The following GPC3 variants were observed in gnomAD, a reference collection of about 807,000 sequenced individuals.
The protein encoded by GPC3 is glypican-3.
In GPC3, 3 loss-of-function variants were observed where a neutral mutation model predicts 34.4. That is an observed-to-expected ratio of 0.09 (90% CI 0.04 to 0.23). The LOEUF is 0.23. GPC3 is among the 10% of genes least tolerant of loss of function. The probability of loss-of-function intolerance (pLI) is 1.00; values close to 1 mark genes in which losing one functional copy is unlikely to be tolerated. For synonymous variants in GPC3, 177 were observed against 174.0 expected (o/e 1.02, Z -0.13); for missense variants, 351 against 445.6 (o/e 0.79, Z 1.91).
chrX:133,719,972 A>G (rs761213076), intron 3 of GPC3, among the ~76,000 whole-genome samples: 1 of 112,447 alleles, frequency 8.9e-6, no homozygotes, highest in Non-Finnish European at 1.9e-5. Context: ...GCTCAACATT[A>G]TATCAGAGAA....
intron 3 of GPC3, among the ~76,000 whole-genome samples, chrX:133,752,364 A>C (rs1470572089): frequency 1.8e-5 from 2 of 112,164 alleles, no homozygotes; most frequent in Non-Finnish European, 3.8e-5. Context: ...AAGCAGAAAT[A>C]GAATATTTCT....
chrX:133,777,161 T>C (rs2071995464), intron 2 of GPC3, among the ~76,000 whole-genome samples: 1 of 110,990 alleles, frequency 9.0e-6, no homozygotes, highest in Non-Finnish European at 1.9e-5. Flanking sequence ...TCTTTCTTAA[T>C]GCATGGACCA....
intron 2 of GPC3, among the ~76,000 whole-genome samples, chrX:133,810,438 C>T (rs1409900232): frequency 8.9e-6 from 1 of 112,043 alleles, no homozygotes; most frequent in African/African-American, 3.2e-5. Context: ...AGTGTAGCTG[C>T]TTAATTGTGA....
At chrX:133,749,646 T>C (rs1011125246) in intron 3 of GPC3, among the ~76,000 whole-genome samples, 1 of 111,771 alleles carries the variant, frequency 8.9e-6, no homozygotes, top group Non-Finnish European at 1.9e-5. Context: ...AGACCTCATG[T>C]CATGGCTTAA....
At chrX:133,768,879 G>A (rs767719975) in intron 2 of GPC3, among the ~76,000 whole-genome samples, 3 of 110,676 alleles carry the variant, frequency 2.7e-5, no homozygotes, top group African/African-American at 9.9e-5. Context: ...GGCAGAGGCT[G>A]CAGTGAGCCG....
intron 2 of GPC3, among the ~76,000 whole-genome samples, chrX:133,780,574 C>A (rs2072035899): frequency 1.8e-5 from 2 of 111,533 alleles, no homozygotes; most frequent in Non-Finnish European, 3.8e-5. Flanking sequence ...TGGTCAGTTT[C>A]ATGATAATTA....
intron 7 of GPC3, among the ~76,000 whole-genome samples, chrX:133,550,588 T>A (rs922252685): frequency 1.8e-5 from 2 of 111,671 alleles, no homozygotes; most frequent in East Asian, 5.7e-4. Context: ...CCTAAAAACA[T>A]CAGTCATTCA....
rs942618176 is a variant in GPC3 at position 133,772,508 on chromosome X, C to A, written c.338-18332G>T. Among the ~76,000 whole-genome samples the A allele has an allele frequency of 2.7e-5, 3 of 111,429 alleles. No homozygotes were observed. In the East Asian group the frequency reaches 8.5e-4, roughly 32 times the overall value. Reference sequence around the variant, plus strand: ...CATTTGGGTTGATGGTATCGTCATACCCCACCCCCTAAAAATGTTATATGC... The same window carrying A: ...CATTTGGGTTGATGGTATCGTCATAACCCACCCCCTAAAAATGTTATATGC... On this transcript the variant is annotated intron_variant, in intron 2 of 7. Coordinates refer to ENST00000370818, the MANE Select transcript of GPC3 (RefSeq NM_004484.4).
intron 7 of GPC3, among the ~76,000 whole-genome samples, chrX:133,567,212 C>T (rs762858599): frequency 8.9e-5 from 10 of 112,079 alleles, no homozygotes; most frequent in Non-Finnish European, 1.7e-4. Context: ...CAGGTGAGCC[C>T]TGTCTTGCTC....
intron 2 of GPC3, among the ~76,000 whole-genome samples, chrX:133,929,605 A>G (rs974932794): frequency 9.0e-6 from 1 of 111,320 alleles, no homozygotes; most frequent in South Asian, 3.8e-4. Flanking sequence ...AGGGTAGTAC[A>G]TTGCCCTAAA....
At position 133,710,317 on chromosome X, in the gene GPC3, C is replaced by T. The variant is rs2071255317; in HGVS notation, c.1033-10289G>A. Among the ~76,000 whole-genome samples the T allele has an allele frequency of 2.7e-5, 3 of 112,024 alleles. No homozygotes were observed. In the Admixed American group the frequency reaches 2.9e-4, roughly 11 times the overall value. ...GTTCATCCTCTTACCATTTCAATAA[C>T]TCTAGACAAGTCATTTACTTTCCTT... On this transcript the variant is annotated intron_variant, in intron 3 of 7. Transcript: ENST00000370818.
chrX:133,922,992 A>G (rs1467358519), intron 2 of GPC3, among the ~76,000 whole-genome samples: 1 of 111,191 alleles, frequency 9.0e-6, no homozygotes, highest in Non-Finnish European at 1.9e-5. Flanking sequence ...GCTCTTGCCC[A>G]AGGTCACATA....
intron 7 of GPC3, among the ~76,000 whole-genome samples, chrX:133,546,074 C>T (rs1472598877): frequency 1.8e-5 from 2 of 111,274 alleles, no homozygotes; most frequent in African/African-American, 3.3e-5. Flanking sequence ...TGTTGGTGGC[C>T]CTAAATTCTC....
At chrX:133,540,438 G>A (rs1228717363) in intron 7 of GPC3, among the ~76,000 whole-genome samples, 2 of 112,426 alleles carry the variant, frequency 1.8e-5, no homozygotes, top group Admixed American at 1.9e-4. Flanking sequence ...TATTCTAAGG[G>A]AAGTAACTCA....
At chrX:133,684,069 A>C (rs1370333791) in intron 5 of GPC3, among the ~76,000 whole-genome samples, 1 of 112,373 alleles carries the variant, frequency 8.9e-6, no homozygotes. Flanking sequence ...TTCCAAGAGC[A>C]ATCTTGACTT....
chrX:133,593,369 AAAG>A (rs1446886811), intron 7 of GPC3, among the ~76,000 whole-genome samples: 2 of 106,845 alleles, frequency 1.9e-5, no homozygotes, highest in Admixed American at 1.0e-4. Flanking sequence ...AAAAAAAAAA[AAAG>A]AAATAAACAT....
chrX:133,937,238 C>A (rs1316348126), intron 2 of GPC3, among the ~76,000 whole-genome samples: 1 of 111,215 alleles, frequency 9.0e-6, no homozygotes, highest in African/African-American at 3.3e-5. Context: ...CCAGACTCCA[C>A]AACAGGGAAA....
At chrX:133,869,724 C>G (rs2075985411) in intron 2 of GPC3, among the ~76,000 whole-genome samples, 1 of 111,808 alleles carries the variant, frequency 8.9e-6, no homozygotes, top group Non-Finnish European at 1.9e-5. Flanking sequence ...GAGGCCGGCA[C>G]ATCACGAGGT....
intron 2 of GPC3, among the ~76,000 whole-genome samples, chrX:133,788,088 T>TTATTTATATA (rs2072120810): frequency 1.5e-5 from 1 of 64,945 alleles, no homozygotes; most frequent in Admixed American, 1.9e-4. Flanking sequence ...TCATATTATT[T>TTATTTATATA]TATATATATA....
Sources: allele counts gnomAD v4.1 joint callset (sites outside exome capture counted in the v4.1 genomes callset), GRCh38; gene constraint gnomAD v4.1.1; transcripts MANE v1.5; gene names NCBI Gene and HGNC (gene_info 2026-07-23, HGNC 2026-07-21).